MED12L: variants seen among roughly 807,000 people sequenced by gnomAD.
MED12L encodes the protein mediator complex subunit 12L.
In MED12L, 60 loss-of-function variants were observed where a neutral mutation model predicts 281.3. The observed-to-expected ratio is 0.21, with a 90% confidence interval of 0.17 to 0.26. The LOEUF (loss-of-function observed/expected upper bound fraction) is 0.26. MED12L is among the 10% of genes least tolerant of loss of function. MED12L has a pLI of 1.00. For synonymous variants in MED12L, 974 were observed against 987.2 expected (o/e 0.99, Z 0.25); for missense variants, 2,146 against 2,680.9 (o/e 0.80, Z 4.41).
chr3:151,177,615 G>A (rs1262038315), intron 11 of MED12L, among the ~76,000 whole-genome samples: 1 of 151,424 alleles, frequency 6.6e-6, no homozygotes, highest in East Asian at 1.9e-4. Flanking sequence ...TCAGCCTCCT[G>A]AGTAGCTGGG....
At chr3:151,125,474 C>T (rs1443480797) in intron 4 of MED12L, among the ~76,000 whole-genome samples, 1 of 152,144 alleles carries the variant, frequency 6.6e-6, no homozygotes, top group Non-Finnish European at 1.5e-5. Flanking sequence ...TCCCCTCTGC[C>T]AATTGTAGTT....
intron 5 of MED12L, among the ~76,000 whole-genome samples, chr3:151,152,190 C>T (rs1219518182): frequency 1.4e-5 from 2 of 138,538 alleles, no homozygotes; most frequent in Non-Finnish European, 3.0e-5. Flanking sequence ...GGTTTTATCT[C>T]CTGGGCTCAA....
At chr3:151,209,773 A>G (rs1278840729) in intron 16 of MED12L, among the ~76,000 whole-genome samples, 1 of 152,208 alleles carries the variant, frequency 6.6e-6, no homozygotes, top group African/African-American at 2.4e-5. Context: ...AATGACACAT[A>G]CTTGACTAAC....
intron 16 of MED12L, among the ~76,000 whole-genome samples, chr3:151,320,972 T>A (rs1222213535): frequency 6.6e-6 from 1 of 152,216 alleles, no homozygotes; most frequent in Non-Finnish European, 1.5e-5. Context: ...CTATTCAGGA[T>A]AAATATATAC....
At chr3:151,320,959 A>G (rs1009811621) in intron 16 of MED12L, among the ~76,000 whole-genome samples, 1 of 152,188 alleles carries the variant, frequency 6.6e-6, no homozygotes, top group Non-Finnish European at 1.5e-5. Context: ...TAAATGAGGT[A>G]ATCTATTCAG....
Position 151,190,863 on chromosome 3 carries a change from C to G in MED12L, c.1900C>G (p.Arg634Gly). Residue 634 changes from arginine to glycine, a missense_variant, in exon 14 of 45, where the codon CGG becomes GGG. Arg to Gly is a moderately radical substitution (Grantham distance 125, BLOSUM62 -2). Around this residue, in one of 9 missense-constraint regions of MED12L, gnomAD observed 722 missense variants for 861.2 expected, o/e 0.84. Transcript: ENST00000687756. ...RGDLSVTAST[R>G]PRSPVGENAD... ...AGATTTGTCAGTCACTGCCTCAACT[C>G]GGCCGCGGTCACCAGTAGGGGAAAA... The G allele has an allele frequency of 6.2e-7, 1 of 1,614,132 alleles. No homozygotes were observed. Among genetic ancestry groups the G allele is most frequent in the Non-Finnish European group, 8.5e-7 (1 of 1,180,024 alleles).
At chr3:151,107,371 C>T (rs1205935951) in intron 2 of MED12L, among the ~76,000 whole-genome samples, 1 of 152,150 alleles carries the variant, frequency 6.6e-6, no homozygotes, top group African/African-American at 2.4e-5. Flanking sequence ...TCTTGTCTAA[C>T]TCCCCAGACT....
At chr3:151,136,093 G>A (rs1716099806) in intron 5 of MED12L, among the ~76,000 whole-genome samples, 1 of 152,172 alleles carries the variant, frequency 6.6e-6, no homozygotes, top group African/African-American at 2.4e-5. Context: ...AGTCAGATGA[G>A]AGACTTTTCT....
intron 16 of MED12L, among the ~76,000 whole-genome samples, chr3:151,261,962 AG>A (rs1318602084): frequency 6.6e-6 from 1 of 152,038 alleles, no homozygotes; most frequent in African/African-American, 2.4e-5. Flanking sequence ...CCTGACCTCA[AG>A]TGATTGACCC....
chr3:151,321,222 CT>C (rs933963489), intron 16 of MED12L, among the ~76,000 whole-genome samples: 23 of 152,084 alleles, frequency 1.5e-4, no homozygotes, highest in Non-Finnish European at 3.1e-4. Flanking sequence ...TTTTTATAAT[CT>C]TTTTTGACAG....
intron 21 of MED12L, among the ~76,000 whole-genome samples, chr3:151,364,271 A>G (rs918022098): frequency 6.6e-6 from 1 of 152,232 alleles, no homozygotes; most frequent in Non-Finnish European, 1.5e-5. Flanking sequence ...CTAGTAGTCT[A>G]TATCTGATTC....
At chr3:151,103,123 T>C (rs1721593540) in intron 2 of MED12L, among the ~76,000 whole-genome samples, 1 of 152,194 alleles carries the variant, frequency 6.6e-6, no homozygotes, top group Non-Finnish European at 1.5e-5. Context: ...GAGAAAACTA[T>C]CTTTTGAGGC....
chr3:151,398,203 T>C (rs765281), intron 39 of MED12L, among the ~76,000 whole-genome samples: 56,504 of 152,078 alleles, frequency 0.37, 10,995 homozygotes, highest in Middle Eastern at 0.48. Context: ...AGCTTTCCCT[T>C]CCAGTGCTTC....
chr3:151,230,026 G>A (rs1366185419), intron 16 of MED12L, among the ~76,000 whole-genome samples: 1 of 152,044 alleles, frequency 6.6e-6, no homozygotes, highest in Admixed American at 6.5e-5. Context: ...CTGGAGTGCA[G>A]TGGTGCGATC....
At chr3:151,276,692 G>C (rs774583120) in intron 16 of MED12L, among the ~76,000 whole-genome samples, 1 of 152,158 alleles carries the variant, frequency 6.6e-6, no homozygotes, top group Non-Finnish European at 1.5e-5. Flanking sequence ...CTAGGGAGCC[G>C]TGTTCTTCTT....
intron 5 of MED12L, among the ~76,000 whole-genome samples, chr3:151,143,768 T>G (rs1246641007): frequency 6.6e-6 from 1 of 152,190 alleles, no homozygotes; most frequent in Non-Finnish European, 1.5e-5. Context: ...TGTGTCTTGC[T>G]AGAAGACAAG....
rs767904421 is a variant in MED12L at position 151,384,115 on chromosome 3, G to T, written c.4823G>T (p.Gly1608Val). 5.0e-6 allele frequency: 8 copies of T among 1,613,778 alleles called. No individual in the cohort carries two copies. Among genetic ancestry groups the T allele is most frequent in the Non-Finnish European group, 6.8e-6 (8 of 1,179,924 alleles). The part of the protein sequence containing the change: ...ELFTTVLDML[G>V]VLINGTLASD... ...TTCACAACAGTTCTTGACATGCTGG[G>T]TGTTTTAATCAATGGAACGTTAGCC... The change falls in exon 35 of 45, where the codon GGT (glycine) becomes GTT (valine). Residue 1608 changes from glycine (G) to valine (V), a missense_variant. Physicochemically the swap from Gly to Val is moderately radical, Grantham distance 109 (BLOSUM62 -3). Transcript: ENST00000687756.
intron 43 of MED12L, 29 bp downstream of exon 43, chr3:151,416,451 T>C: frequency 2.5e-6 from 4 of 1,597,368 alleles, no homozygotes; most frequent in Non-Finnish European, 3.4e-6. Context: ...GAATCAGACA[T>C]GTGGGTTTCT....
intron 25 of MED12L, 63 bp downstream of exon 25, chr3:151,368,314 C>T (rs1414550210): frequency 7.2e-7 from 1 of 1,390,854 alleles, no homozygotes; most frequent in Non-Finnish European, 1.0e-6. Flanking sequence ...CTAAAATGAC[C>T]AAATAGGCTG....
Sources: gnomAD v4.1 joint callset for allele counts (sites outside exome capture counted in the v4.1 genomes callset) on GRCh38, gnomAD v4.1.1 for gene constraint, gnomAD v4.1.1 regional missense constraint, MANE v1.5 for transcripts, NCBI Gene and HGNC (gene_info 2026-07-23, HGNC 2026-07-21) for gene names.